The following MLLT1 variants were observed in gnomAD, a reference collection of about 807,000 sequenced individuals.
MLLT1 encodes the protein MLLT1 super elongation complex subunit.
A neutral mutation model predicts 55.1 loss-of-function variants in MLLT1; 11 were observed. That is an observed-to-expected ratio of 0.20 (90% confidence interval 0.13 to 0.33). The LOEUF (loss-of-function observed/expected upper bound fraction) is 0.33, where lower values mean the gene tolerates loss of function less well. Ranked by LOEUF, MLLT1 falls within the 10% of genes least tolerant of loss-of-function variation. The probability of loss-of-function intolerance (pLI) is 1.00; values close to 1 mark genes in which losing one functional copy is unlikely to be tolerated. For synonymous variants in MLLT1, 323 were observed against 320.1 expected, an observed-to-expected ratio of 1.01 and a Z score of -0.10; for missense variants, 536 against 760.6, an observed-to-expected ratio of 0.70 and a Z score of 3.47.
intron 3 of MLLT1, among the ~76,000 whole-genome samples, chr19:6,247,874 T>TG (rs2091182220): frequency 7.1e-6 from 1 of 141,172 alleles, no homozygotes; most frequent in African/African-American, 3.0e-5. Flanking sequence ...AGCATTTTGG[T>TG]GTTTTGTTTG....
chr19:6,278,776 C>T (rs1167635722), intron 1 of MLLT1, among the ~76,000 whole-genome samples: 2 of 152,268 alleles, frequency 1.3e-5, no homozygotes, highest in East Asian at 3.9e-4. Context: ...AGAGAAGAAA[C>T]TGCTCCTGGT....
At chr19:6,225,479 A>G (rs2090946733) in intron 5 of MLLT1, among the ~76,000 whole-genome samples, 1 of 152,214 alleles carries the variant, frequency 6.6e-6, no homozygotes, top group South Asian at 2.1e-4. Flanking sequence ...CCAGGGCTCC[A>G]TGGTGGGGCC....
At chr19:6,243,759 A>T (rs933177645) in intron 3 of MLLT1, among the ~76,000 whole-genome samples, 1 of 152,116 alleles carries the variant, frequency 6.6e-6, no homozygotes, top group African/African-American at 2.4e-5. Context: ...GAAGAAGTCA[A>T]TCGGCCGGGC....
At chr19:6,261,544 T>C (rs4807857) in intron 3 of MLLT1, among the ~76,000 whole-genome samples, 51,325 of 150,200 alleles carry the variant, frequency 0.34, 10,678 homozygotes, top group African/African-American at 0.59. Context: ...CAGCCGGCCA[T>C]GGACAAGCCA....
intron 3 of MLLT1, among the ~76,000 whole-genome samples, chr19:6,253,083 G>A (rs2091231321): frequency 6.6e-6 from 1 of 151,578 alleles, no homozygotes; most frequent in Non-Finnish European, 1.5e-5. Flanking sequence ...CTAACATGGT[G>A]AAACCCTGTC....
rs760823750 is a variant in MLLT1, at chr19:6,216,531, G to A, written c.1199-18C>T. The A allele has an allele frequency of 4.6e-5, 70 of 1,520,942 alleles. 1 individual carries two copies. The highest frequency in any genetic ancestry group is 6.1e-5 in the Non-Finnish European group (68 of 1,117,340). 94.2% of individuals were successfully genotyped at this position (1,520,942 alleles called of 1,614,324 possible). A position where few individuals can be genotyped will look rare whatever the true frequency, so the allele number is the denominator to read the frequency against. ...CAGGGGTCCTGGGGAGGCGGGGCAG[G>A]GAGGGAGGGGAGACAAGGGCAGGGC... On this transcript the variant is annotated intron_variant, in intron 7 of 11. Coordinates refer to ENST00000252674, the MANE Select transcript of MLLT1 (RefSeq NM_005934.4).
rs775028409 is a variant in MLLT1 at position 6,240,316 on chromosome 19, G to A, written c.277-9603C>T. 6.6e-6 allele frequency among the ~76,000 whole-genome samples: 1 copy of A among 152,240 alleles called. No homozygotes were observed. The highest frequency in any genetic ancestry group is 1.5e-5 in the Non-Finnish European group (1 of 68,030). Reference sequence around the variant, plus strand: ...GGCCTGCCTGGAAGAGGCTGGCCCTGGTCAGGGGAGGCGGGGGAGTTTTCT... The same window carrying A: ...GGCCTGCCTGGAAGAGGCTGGCCCTAGTCAGGGGAGGCGGGGGAGTTTTCT... On this transcript the variant is annotated intron_variant, in intron 3 of 11. Transcript: ENST00000252674. The surrounding 1 kb of genome is among the most constrained non-coding windows in gnomAD (Gnocchi z 4.7).
At chr19:6,259,695 G>C (rs1217574506) in intron 3 of MLLT1, 1 of 151,512 alleles carries the variant, frequency 6.6e-6, no homozygotes, top group Non-Finnish European at 1.5e-5. Context: ...CTGAGAGAGA[G>C]GGAGCGCTGC....
chr19:6,276,747 C>CA (rs1048704912), intron 1 of MLLT1, among the ~76,000 whole-genome samples: 7 of 151,610 alleles, frequency 4.6e-5, no homozygotes, highest in East Asian at 1.9e-4. Context: ...ATCCCCCTGC[C>CA]AAAAAAAATA....
At chr19:6,238,656 CCT>C (rs1341615851) in intron 3 of MLLT1, among the ~76,000 whole-genome samples, 3 of 152,396 alleles carry the variant, frequency 2.0e-5, no homozygotes, top group Non-Finnish European at 4.4e-5. Context: ...CCACCCTGCC[CCT>C]GTCCTGGAGC....
At position 6,240,861 on chromosome 19, in the gene MLLT1, G is replaced by T. The variant is rs757222573; in HGVS notation, c.277-10148C>A. Among the ~76,000 whole-genome samples, 1 of 152,118 alleles carries T rather than the reference G, an allele frequency of 6.6e-6. No homozygotes were observed. Among genetic ancestry groups the T allele is most frequent in the African/African-American group, 2.4e-5 (1 of 41,402 alleles). ...GAGCAATTAGAAACCAAAAGGAGGAGGCAGAAATGCAGACACCACATTTTA... is the reference window on the plus strand; with the variant it reads ...GAGCAATTAGAAACCAAAAGGAGGATGCAGAAATGCAGACACCACATTTTA... On this transcript the variant is annotated intron_variant, in intron 3 of 11. Coordinates refer to ENST00000252674, the MANE Select transcript of MLLT1 (RefSeq NM_005934.4). This position sits in a 1 kb window ranked among gnomAD's most constrained non-coding sequence, Gnocchi z 4.7.
At chr19:6,279,713 G>C (rs2091448377) in intron 1 of MLLT1, 60 bp downstream of exon 1, 2 of 147,804 alleles carry the variant, frequency 1.4e-5, no homozygotes, top group Non-Finnish European at 3.0e-5. Flanking sequence ...AGGGCCGGGC[G>C]GGCCGGCGGG....
chr19:6,236,302 G>A (rs776649570), intron 3 of MLLT1, among the ~76,000 whole-genome samples: 1 of 152,200 alleles, frequency 6.6e-6, no homozygotes, highest in Non-Finnish European at 1.5e-5. Context: ...GGATACGAAT[G>A]CTTCACAGCC....
intron 8 of MLLT1, among the ~76,000 whole-genome samples, chr19:6,214,799 A>G (rs967545837): frequency 2.6e-5 from 4 of 152,190 alleles, no homozygotes; most frequent in Admixed American, 2.6e-4. Context: ...AGCAAACCCC[A>G]GGCCTCCTAG....
rs1434183946 is a variant in MLLT1 at position 6,235,450 on chromosome 19, C to T, written c.277-4737G>A. On this transcript the variant is annotated intron_variant, in intron 3 of 11. Transcript: ENST00000252674. The surrounding 1 kb of genome is among the most constrained non-coding windows in gnomAD (Gnocchi z 5.5). The stretch of plus-strand genomic sequence containing the variant: ...CACCCACAGAAGCCGTGAGTGCCCC[C>T]ACAAAGCAGCCTGGGCTAAGAAGGG... 6.6e-6 allele frequency among the ~76,000 whole-genome samples: 1 copy of T among 152,202 alleles called. No individual in the cohort carries two copies. The highest frequency in any genetic ancestry group is 2.4e-5 in the African/African-American group (1 of 41,440).
At position 6,245,174 on chromosome 19, in the gene MLLT1, C is replaced by CA. The variant is rs201514103; in HGVS notation, c.277-14462dup. Among the ~76,000 whole-genome samples, 186 of 151,014 alleles carry CA rather than the reference C, an allele frequency of 1.2e-3. 1 individual carries two copies. In the Middle Eastern group the frequency reaches 0.02, roughly 17 times the overall value. ...TTAGCAACATAGTGAGACTCTCTAA[C>CA]AAAAAAAAATTTTTTTAAATCTTTT... On this transcript the variant is annotated intron_variant, in intron 3 of 11. Coordinates refer to ENST00000252674, the MANE Select transcript of MLLT1 (RefSeq NM_005934.4).
chr19:6,223,053 G>C (rs565198553), intron 5 of MLLT1, among the ~76,000 whole-genome samples: 1 of 152,144 alleles, frequency 6.6e-6, no homozygotes, highest in Non-Finnish European at 1.5e-5. Flanking sequence ...GTCAGAGGCT[G>C]CGCTGGCACT....
rs1446899260 is a variant in MLLT1 at position 6,227,235 on chromosome 19, C to T, written c.421-133G>A. 6.5e-6 allele frequency: 6 copies of T among 918,668 alleles called. No individual in the cohort carries two copies. Among genetic ancestry groups the T allele is most frequent in the Non-Finnish European group, 7.9e-6 (5 of 634,600 alleles). The allele number at this position is 918,668 out of a possible 1,614,324, so 56.9% of individuals were successfully genotyped here. On this transcript the variant is annotated intron_variant, in intron 4 of 11. Transcript: ENST00000252674. This position sits in a 1 kb window ranked among gnomAD's most constrained non-coding sequence, Gnocchi z 5.1. ...AGCCTGAGCGCTTTCCCGAAAGAAT[C>T]CCAGGTGCTTCCCTGCTGGGGACTG...
In MLLT1 at chr19:6,235,438, C is replaced by T. The variant is rs1450660134; in HGVS notation, c.277-4725G>A. Among the ~76,000 whole-genome samples the T allele has an allele frequency of 6.6e-6, 1 of 152,186 alleles. No homozygotes were observed. The highest frequency in any genetic ancestry group is 2.4e-5 in the African/African-American group (1 of 41,446). ...CACCCTGCCTATCACCCACAGAAGC[C>T]GTGAGTGCCCCCACAAAGCAGCCTG... On this transcript the variant is annotated intron_variant, in intron 3 of 11. Transcript: ENST00000252674. This position sits in a 1 kb window ranked among gnomAD's most constrained non-coding sequence, Gnocchi z 5.5.
Sources: allele counts gnomAD v4.1 joint callset (sites outside exome capture counted in the v4.1 genomes callset), GRCh38; gene constraint gnomAD v4.1.1; non-coding constraint Gnocchi (gnomAD v3.1); transcripts MANE v1.5; gene names NCBI Gene and HGNC (gene_info 2026-07-23, HGNC 2026-07-21).